BANF2: variants seen among roughly 807,000 people sequenced by gnomAD.
BANF2 encodes the protein barrier-to-autointegration factor-like protein.
A neutral mutation model predicts 8.0 loss-of-function variants in BANF2; 4 were observed. That is an observed-to-expected ratio of 0.50 (90% CI 0.25 to 1.14). The LOEUF is 1.14. Ranked by LOEUF, BANF2 falls within the 50% of genes most tolerant of loss-of-function variation. BANF2 has a pLI of 0.16. For synonymous variants in BANF2, 50 were observed against 40.6 expected, an observed-to-expected ratio of 1.23 and a Z score of -0.88; for missense variants, 96 against 107.5, an observed-to-expected ratio of 0.89 and a Z score of 0.47.
intron 2 of BANF2, 55 bp downstream of exon 2, chr20:17,722,933 G>A (rs1057166818): frequency 1.1e-6 from 1 of 924,136 alleles, no homozygotes. Flanking sequence ...GGGAGGCGTT[G>A]GATGCACCTG....
chr20:17,733,230 C>T (rs574243647), intron 3 of BANF2, among the ~76,000 whole-genome samples: 14 of 152,304 alleles, frequency 9.2e-5, no homozygotes, highest in African/African-American at 3.1e-4. Flanking sequence ...GCATTAGCCT[C>T]CAGGCCAGAC....
intron 3 of BANF2, among the ~76,000 whole-genome samples, chr20:17,732,307 T>C (rs1266446220): frequency 6.6e-6 from 1 of 152,216 alleles, no homozygotes; most frequent in Non-Finnish European, 1.5e-5. Flanking sequence ...GGCCGGCCCC[T>C]GGAGGAACCT....
intron 3 of BANF2, 74 bp downstream of exon 3, chr20:17,725,225 C>A (rs1182190421): frequency 2.0e-6 from 3 of 1,504,026 alleles, no homozygotes; most frequent in Non-Finnish European, 2.7e-6. Flanking sequence ...GATGGCAGTT[C>A]CTGCCACGTG....
intron 1 of BANF2, among the ~76,000 whole-genome samples, chr20:17,719,689 A>T (rs1319356412): frequency 5.4e-5 from 3 of 55,660 alleles, no homozygotes; most frequent in Non-Finnish European, 1.1e-4. Context: ...TTTTTAATTA[A>T]AAAAAAAAAA....
At chr20:17,733,256 A>T (rs4813281) in intron 3 of BANF2, among the ~76,000 whole-genome samples, 2 of 152,292 alleles carry the variant, frequency 1.3e-5, no homozygotes, top group Non-Finnish European at 2.9e-5. Flanking sequence ...ACAGTTGGGA[A>T]GTGCAGGAAT....
At chr20:17,714,307 C>G (rs1475701976) in intron 1 of BANF2, among the ~76,000 whole-genome samples, 1 of 151,880 alleles carries the variant, frequency 6.6e-6, no homozygotes, top group Non-Finnish European at 1.5e-5. Context: ...AACTAATATG[C>G]TTGTCCATTC....
At chr20:17,708,045 T>TAAAAAA (rs137884134) in intron 1 of BANF2, among the ~76,000 whole-genome samples, 2 of 58,554 alleles carry the variant, frequency 3.4e-5, no homozygotes, top group Admixed American at 2.3e-4. Flanking sequence ...CTACTAAAAA[T>TAAAAAA]CAAAAAAAAA....
chr20:17,699,083 T>C (rs1451922124), upstream of BANF2, among the ~76,000 whole-genome samples: 2 of 152,136 alleles, frequency 1.3e-5, no homozygotes, highest in Non-Finnish European at 2.9e-5. Context: ...GGCCCAGGAA[T>C]CTGTATTTTA....
intron 3 of BANF2, among the ~76,000 whole-genome samples, chr20:17,728,811 A>C (rs1366934605): frequency 6.6e-6 from 1 of 152,068 alleles, no homozygotes; most frequent in Non-Finnish European, 1.5e-5. Context: ...CTGAGGATCT[A>C]GATCCAGACA....
chr20:17,709,725 C>T (rs955950935), intron 1 of BANF2, among the ~76,000 whole-genome samples: 1 of 152,184 alleles, frequency 6.6e-6, no homozygotes, highest in African/African-American at 2.4e-5. Flanking sequence ...GGTTTGAGGC[C>T]TGGCAATGCC....
At chr20:17,714,200 A>AC (rs1323785246) in intron 1 of BANF2, among the ~76,000 whole-genome samples, 1 of 146,024 alleles carries the variant, frequency 6.8e-6, no homozygotes, top group African/African-American at 2.5e-5. Flanking sequence ...ACTCTGTCAA[A>AC]AAAAAAAAAA....
At chr20:17,720,785 A>G (rs2037717332) in intron 1 of BANF2, among the ~76,000 whole-genome samples, 1 of 152,252 alleles carries the variant, frequency 6.6e-6, no homozygotes, top group South Asian at 2.1e-4. Flanking sequence ...AATGATTGAA[A>G]TGGGACATTT....
intron 3 of BANF2, among the ~76,000 whole-genome samples, chr20:17,729,357 CTTCT>C (rs1448357724): frequency 6.6e-6 from 1 of 152,200 alleles, no homozygotes; most frequent in Non-Finnish European, 1.5e-5. Context: ...CCTGGGAAGC[CTTCT>C]TTCTGCCACC....
chr20:17,705,688 C>A (rs778350752), intron 1 of BANF2, among the ~76,000 whole-genome samples: 1 of 152,238 alleles, frequency 6.6e-6, no homozygotes, highest in African/African-American at 2.4e-5. Context: ...AGTAACCTAA[C>A]TCTATTCCTC....
intron 1 of BANF2, among the ~76,000 whole-genome samples, chr20:17,714,409 C>A (rs1218969349): frequency 2.6e-5 from 4 of 152,108 alleles, no homozygotes; most frequent in African/African-American, 7.2e-5. Context: ...AGGAAAAATG[C>A]AACCAGAAAT....
intron 3 of BANF2, 131 bp from the exon 4 acceptor site, chr20:17,735,534 C>T: frequency 9.3e-7 from 1 of 1,072,696 alleles, no homozygotes; most frequent in Non-Finnish European, 1.4e-6. Flanking sequence ...GACTGACAGG[C>T]TCCCTTGAAT....
chr20:17,716,005 T>C (rs1453430230), intron 1 of BANF2, among the ~76,000 whole-genome samples: 1 of 152,162 alleles, frequency 6.6e-6, no homozygotes, highest in African/African-American at 2.4e-5. Context: ...GTGGTGACCA[T>C]GACCACGGTA....
At chr20:17,702,142 A>C (rs144590533) in intron 1 of BANF2, among the ~76,000 whole-genome samples, 1 of 152,298 alleles carries the variant, frequency 6.6e-6, no homozygotes, top group African/African-American at 2.4e-5. Context: ...CCCCAAGGAA[A>C]ACTTATGTCT....
At chr20:17,693,817 C>G (rs772217914) in intron 1 of BANF2, 12 of 1,269,378 alleles carry the variant, frequency 9.5e-6, no homozygotes, top group Admixed American at 6.2e-5. Flanking sequence ...GGAGGAGGTG[C>G]TTTCCCGAAT....
Sources: gnomAD v4.1 joint callset for allele counts (sites outside exome capture counted in the v4.1 genomes callset) on GRCh38, gnomAD v4.1.1 for gene constraint, MANE v1.5 for transcripts, NCBI Gene and HGNC (gene_info 2026-07-23, HGNC 2026-07-21) for gene names.